USH2A: variants seen among roughly 807,000 people sequenced by gnomAD.
USH2A encodes Usher syndrome 2A (autosomal recessive, mild).
Under a neutral mutation model 538.9 loss-of-function variants are expected in USH2A, and 443 were observed. That is an observed-to-expected ratio of 0.82 (90% CI 0.76 to 0.89). The LOEUF is 0.89. Among genes scored for constraint, USH2A ranks in the 40% least tolerant of loss-of-function variants. The pLI is 0.00. For synonymous variants in USH2A, 2,413 were observed against 2,273.5 expected (o/e 1.06, Z -1.75); for missense variants, 6,633 against 6,324.8 (o/e 1.05, Z -1.65).
chr1:216,414,112 T>C lies in USH2A; in HGVS notation c.651+4402A>G, dbSNP rs1416218637. 2.0e-5 allele frequency among the ~76,000 whole-genome samples: 3 copies of C among 152,140 alleles called. No homozygotes were observed. The East Asian group carries it at 5.8e-4, about 29-fold the overall frequency. On this transcript the variant is annotated intron_variant, in intron 3 of 71. Transcript: ENST00000307340. ...ATAACTACAGCATGTGCTGATTTAA[T>C]ATGAAAACTAAGCTTTAAAAATTTT...
chr1:215,991,175 C>T (rs1667995837), intron 35 of USH2A, among the ~76,000 whole-genome samples: 1 of 152,192 alleles, frequency 6.6e-6, no homozygotes, highest in Non-Finnish European at 1.5e-5. Context: ...GCCTATTTGA[C>T]TCCACCCATG....
At chr1:215,971,190 G>GT (rs1217806593) in intron 35 of USH2A, among the ~76,000 whole-genome samples, 2 of 152,122 alleles carry the variant, frequency 1.3e-5, no homozygotes, top group Non-Finnish European at 2.9e-5. Flanking sequence ...GACTCATAAT[G>GT]TATCAGGCAC....
chr1:215,950,363 G>GATATA (rs1448867251), intron 37 of USH2A, among the ~76,000 whole-genome samples: 2 of 152,048 alleles, frequency 1.3e-5, no homozygotes. Context: ...AAACATTCAT[G>GATATA]ATATAATGTT....
chr1:216,319,180 G>A (rs969435793), intron 9 of USH2A, among the ~76,000 whole-genome samples: 5 of 152,102 alleles, frequency 3.3e-5, no homozygotes, highest in African/African-American at 9.7e-5. Context: ...GTGGAGGAGA[G>A]GACAAGGTTA....
chr1:215,780,081 T>C, intron 54 of USH2A, 40 bp from the exon 55 acceptor site: 1 of 1,602,210 alleles, frequency 6.2e-7, no homozygotes, highest in Non-Finnish European at 8.5e-7. Flanking sequence ...ATTGTAATAG[T>C]GCACTAGCTA....
chr1:216,372,379 G>A (rs1475887423), intron 3 of USH2A, among the ~76,000 whole-genome samples: 2 of 152,024 alleles, frequency 1.3e-5, no homozygotes, highest in Non-Finnish European at 2.9e-5. Flanking sequence ...GAGTAACTCA[G>A]ACAAGCCAAG....
At chr1:215,931,495 A>T (rs559431979) in intron 38 of USH2A, among the ~76,000 whole-genome samples, 31 of 152,086 alleles carry the variant, frequency 2.0e-4, no homozygotes, top group African/African-American at 7.0e-4. Flanking sequence ...TCTCACCTCC[A>T]ATACACTCAC....
At chr1:215,925,486 A>G (rs1459890676) in intron 38 of USH2A, among the ~76,000 whole-genome samples, 1 of 152,194 alleles carries the variant, frequency 6.6e-6, no homozygotes, top group East Asian at 1.9e-4. Flanking sequence ...TGGATGTAAT[A>G]TAAATTGTGT....
intron 4 of USH2A, among the ~76,000 whole-genome samples, chr1:216,339,274 G>A (rs1044334474): frequency 6.6e-6 from 1 of 151,134 alleles, no homozygotes; most frequent in African/African-American, 2.4e-5. Context: ...TTATATATGT[G>A]CATATATATA....
In USH2A at chr1:216,423,358, G is replaced by T. The variant is rs557495948; in HGVS notation, c.-349C>A. 6.6e-6 allele frequency: 1 copy of T among 152,272 alleles called. No individual in the cohort carries two copies. Among genetic ancestry groups the T allele is most frequent in the Non-Finnish European group, 1.5e-5 (1 of 68,044 alleles). 9.4% of individuals were successfully genotyped at this position (152,272 alleles called of 1,614,324 possible). On this transcript the variant is annotated 5_prime_UTR_variant, in exon 1 of 72. Coordinates refer to ENST00000307340, the MANE Select transcript of USH2A (RefSeq NM_206933.4). ...GTAGCAGCAGGAATGCTGGAAGGAA[G>T]ACTTGGGTGCCCAGGTAAAGTATTC...
At chr1:215,775,850 C>T (rs937075724) in intron 55 of USH2A, among the ~76,000 whole-genome samples, 7 of 152,132 alleles carry the variant, frequency 4.6e-5, no homozygotes, top group Non-Finnish European at 5.9e-5. Context: ...AGATGAGAAA[C>T]GAAAGTAAAT....
chr1:216,196,949 T>C (rs1402107303), intron 18 of USH2A, among the ~76,000 whole-genome samples: 1 of 152,154 alleles, frequency 6.6e-6, no homozygotes, highest in African/African-American at 2.4e-5. Flanking sequence ...ACTTTCTACT[T>C]GCAAAATAAA....
intron 47 of USH2A, among the ~76,000 whole-genome samples, chr1:215,820,876 T>G (rs567624782): frequency 6.6e-6 from 1 of 151,964 alleles, no homozygotes; most frequent in East Asian, 1.9e-4. Flanking sequence ...TTACTTAACA[T>G]AATGACCTCC....
At position 215,900,068 on chromosome 1, in the gene USH2A, C is replaced by T; in HGVS notation, c.7594+7G>A. ...ACATTTGGCTGTGTATTGTTCAGAC[C>T]ACTTACTGTCCTCTGCGGTCATGAA... is the stretch of plus-strand genomic sequence containing the variant. On this transcript the variant is annotated splice_region_variant and intron_variant, in intron 40 of 71. Transcript: ENST00000307340. 6.2e-7 allele frequency: 1 copy of T among 1,613,450 alleles called. No individual in the cohort carries two copies. Among genetic ancestry groups the T allele is most frequent in the Non-Finnish European group, 8.5e-7 (1 of 1,179,652 alleles).
chr1:216,265,490 A>G (rs2036453386), intron 11 of USH2A, among the ~76,000 whole-genome samples: 1 of 152,048 alleles, frequency 6.6e-6, no homozygotes, highest in African/African-American at 2.4e-5. Flanking sequence ...CAATCCCACT[A>G]CTGGGTACAT....
intron 3 of USH2A, among the ~76,000 whole-genome samples, chr1:216,403,731 A>G (rs1411375507): frequency 1.3e-5 from 2 of 152,188 alleles, no homozygotes; most frequent in African/African-American, 4.8e-5. Flanking sequence ...TGCAGGATGT[A>G]TGATATAGTT....
chr1:215,653,330 C>T (rs777936336), intron 64 of USH2A, among the ~76,000 whole-genome samples: 1 of 152,136 alleles, frequency 6.6e-6, no homozygotes. Flanking sequence ...TCAAAATTCC[C>T]CATCACTAAT....
chr1:216,413,753 A>G (rs575146775), intron 3 of USH2A, among the ~76,000 whole-genome samples: 1 of 152,200 alleles, frequency 6.6e-6, no homozygotes, highest in Admixed American at 6.5e-5. Context: ...AGAAAATGTG[A>G]ACAAGCCCAA....
Position 215,797,870 on chromosome 1 carries a change from T to G in USH2A, c.9958+1037A>C, listed in dbSNP as rs192364531. 1.5e-3 allele frequency among the ~76,000 whole-genome samples: 224 copies of G among 152,278 alleles called. 1 individual carries two copies. The highest frequency in any genetic ancestry group is 5.1e-3 in the African/African-American group (210 of 41,560). On this transcript the variant is annotated intron_variant, in intron 50 of 71. Transcript: ENST00000307340. Reference sequence around the variant, plus strand: ...CAGTTTTATTATTTAAAAATACATTTTGTAAGGCTATAGCTGCCATAGATA... The same window carrying G: ...CAGTTTTATTATTTAAAAATACATTGTGTAAGGCTATAGCTGCCATAGATA...
Sources: allele counts gnomAD v4.1 joint callset (sites outside exome capture counted in the v4.1 genomes callset), GRCh38; gene constraint gnomAD v4.1.1; transcripts MANE v1.5; gene names NCBI Gene and HGNC (gene_info 2026-07-23, HGNC 2026-07-21).